SPOCK1: variants seen among roughly 807,000 people sequenced by gnomAD.
SPOCK1 encodes the protein testican-1.
Under a neutral mutation model 55.3 loss-of-function variants are expected in SPOCK1, and 23 were observed. The ratio of observed to expected loss-of-function variants is 0.42; its 90% CI spans 0.30 to 0.59. SPOCK1 has a LOEUF of 0.59. SPOCK1 is among the 20% of genes least tolerant of loss of function. The pLI, the probability that SPOCK1 is intolerant of heterozygous loss-of-function variation, is 0.22. For missense variants in SPOCK1, 499 were observed against 552.5 expected, an observed-to-expected ratio of 0.90 and a Z score of 0.97; for synonymous variants, 226 against 221.0, an observed-to-expected ratio of 1.02 and a Z score of -0.20.
intron 2 of SPOCK1, among the ~76,000 whole-genome samples, chr5:137,393,776 T>A (rs1751780292): frequency 6.6e-6 from 1 of 152,224 alleles, no homozygotes; most frequent in Non-Finnish European, 1.5e-5. Flanking sequence ...TTTACCATAA[T>A]AAACTTAAGT....
At chr5:137,116,251 C>CT (rs934287553) in intron 4 of SPOCK1, among the ~76,000 whole-genome samples, 1 of 152,186 alleles carries the variant, frequency 6.6e-6, no homozygotes, top group African/African-American at 2.4e-5. Context: ...TATTCTCCAT[C>CT]TTTTTTTAAA....
intron 3 of SPOCK1, among the ~76,000 whole-genome samples, chr5:137,197,831 T>C (rs1755333668): frequency 6.6e-6 from 1 of 152,198 alleles, no homozygotes; most frequent in South Asian, 2.1e-4. Flanking sequence ...TTTCCCAATT[T>C]ATATCCTAGT....
intron 2 of SPOCK1, among the ~76,000 whole-genome samples, chr5:137,330,623 A>T (rs759355152): frequency 7.9e-5 from 12 of 152,260 alleles, no homozygotes; most frequent in Admixed American, 4.6e-4. Flanking sequence ...ACAAATACAT[A>T]TTGACAAACT....
intron 6 of SPOCK1, among the ~76,000 whole-genome samples, chr5:137,022,028 A>G (rs1483273954): frequency 6.6e-6 from 1 of 152,142 alleles, no homozygotes; most frequent in Non-Finnish European, 1.5e-5. Flanking sequence ...ACTTGCTTAG[A>G]GAGATGGCAT....
intron 2 of SPOCK1, among the ~76,000 whole-genome samples, chr5:137,414,979 A>C (rs1319354366): frequency 1.3e-5 from 2 of 151,920 alleles, no homozygotes; most frequent in Non-Finnish European, 2.9e-5. Context: ...TTTGGCCTGA[A>C]TCCACAAATG....
At chr5:137,055,318 T>C (rs1428010603) in intron 6 of SPOCK1, among the ~76,000 whole-genome samples, 4 of 152,166 alleles carry the variant, frequency 2.6e-5, no homozygotes, top group Non-Finnish European at 5.9e-5. Context: ...TGGATGAAGA[T>C]ACATTACTCA....
chr5:137,160,823 A>G (rs961850191), intron 3 of SPOCK1, among the ~76,000 whole-genome samples: 1 of 143,176 alleles, frequency 7.0e-6, no homozygotes, highest in African/African-American at 2.6e-5. Flanking sequence ...AGATTCCTAA[A>G]AGAGCTAAAA....
intron 2 of SPOCK1, among the ~76,000 whole-genome samples, chr5:137,382,089 C>G (rs1179204741): frequency 6.6e-6 from 1 of 152,218 alleles, no homozygotes; most frequent in Admixed American, 6.5e-5. Context: ...TCCAGATACT[C>G]TAAATCATCT....
intron 2 of SPOCK1, among the ~76,000 whole-genome samples, chr5:137,328,396 C>A (rs1459228239): frequency 6.6e-6 from 1 of 152,170 alleles, no homozygotes; most frequent in Admixed American, 6.5e-5. Context: ...AAAGAAAAAA[C>A]CCAGAAGAGA....
intron 6 of SPOCK1, among the ~76,000 whole-genome samples, chr5:137,027,010 A>G (rs1409901811): frequency 1.3e-5 from 2 of 152,212 alleles, no homozygotes; most frequent in Non-Finnish European, 2.9e-5. Context: ...TAAAATCTTC[A>G]TTCTAAAATA....
intron 6 of SPOCK1, among the ~76,000 whole-genome samples, chr5:137,025,003 C>T (rs539667731): frequency 6.6e-6 from 1 of 152,132 alleles, no homozygotes; most frequent in Admixed American, 6.5e-5. Flanking sequence ...GTAAACCAGT[C>T]ACAGAAGGAT....
At chr5:137,452,876 C>T (rs1381771900) in intron 2 of SPOCK1, among the ~76,000 whole-genome samples, 1 of 152,124 alleles carries the variant, frequency 6.6e-6, no homozygotes, top group African/African-American at 2.4e-5. Flanking sequence ...GCTTTTGGTC[C>T]TGGTGCTAGT....
At chr5:137,498,233 C>T in intron 2 of SPOCK1, 140 bp downstream of exon 2, 1 of 865,122 alleles carries the variant, frequency 1.2e-6, no homozygotes, top group Non-Finnish European at 1.6e-6. Context: ...CCGACCAGCC[C>T]CCGCGGGAGA....
chr5:137,118,092 T>C (rs1329300478), intron 4 of SPOCK1, among the ~76,000 whole-genome samples: 1 of 152,246 alleles, frequency 6.6e-6, no homozygotes, highest in Admixed American at 6.5e-5. Flanking sequence ...TCAATTAACA[T>C]AACATTTGGA....
At chr5:137,291,158 G>A (rs769291242) in intron 2 of SPOCK1, among the ~76,000 whole-genome samples, 26 of 152,092 alleles carry the variant, frequency 1.7e-4, no homozygotes, top group Non-Finnish European at 3.4e-4. Flanking sequence ...CTATAGAATA[G>A]GAAATCCATC....
chr5:137,179,623 A>C (rs989315084), intron 3 of SPOCK1, among the ~76,000 whole-genome samples: 29 of 152,132 alleles, frequency 1.9e-4, no homozygotes, highest in Non-Finnish European at 7.4e-5. Flanking sequence ...GCCTAGCATG[A>C]CAACAGATTG....
At chr5:137,181,493 T>C (rs1186046828) in intron 3 of SPOCK1, among the ~76,000 whole-genome samples, 2 of 152,162 alleles carry the variant, frequency 1.3e-5, no homozygotes, top group Non-Finnish European at 1.5e-5. Context: ...GCCTCAGAAA[T>C]GAAAACTCTA....
intron 6 of SPOCK1, among the ~76,000 whole-genome samples, chr5:136,998,288 T>C (rs1247738892): frequency 6.6e-6 from 1 of 152,256 alleles, no homozygotes; most frequent in Non-Finnish European, 1.5e-5. Context: ...CTGTCTGCTG[T>C]GGATAAGTTC....
intron 7 of SPOCK1, among the ~76,000 whole-genome samples, chr5:136,990,931 G>A (rs1472002421): frequency 6.6e-6 from 1 of 152,112 alleles, no homozygotes; most frequent in Non-Finnish European, 1.5e-5. Context: ...AGCCCTTCTA[G>A]TTGGCCCCAA....
Sources: gnomAD v4.1 joint callset for allele counts (sites outside exome capture counted in the v4.1 genomes callset) on GRCh38, gnomAD v4.1.1 for gene constraint, MANE v1.5 for transcripts, NCBI Gene and HGNC (gene_info 2026-07-23, HGNC 2026-07-21) for gene names.